The following SYN3 variants were observed in gnomAD, a reference collection of about 807,000 sequenced individuals.
The protein encoded by SYN3 is synapsin III, also known as synapsin-3.
Under a neutral mutation model 65.8 loss-of-function variants are expected in SYN3, and 35 were observed. The ratio of observed to expected loss-of-function variants is 0.53; its 90% CI spans 0.41 to 0.70. The LOEUF (loss-of-function observed/expected upper bound fraction) is 0.70. Among genes scored for constraint, SYN3 ranks in the 30% least tolerant of loss-of-function variants. The probability of loss-of-function intolerance (pLI) is 0.00; values close to 1 mark genes in which losing one functional copy is unlikely to be tolerated. For synonymous variants in SYN3, 270 were observed against 292.9 expected (o/e 0.92, Z 0.80); for missense variants, 680 against 749.0 (o/e 0.91, Z 1.08).
At chr22:32,775,477 G>A (rs972833012) in intron 6 of SYN3, among the ~76,000 whole-genome samples, 3 of 152,160 alleles carry the variant, frequency 2.0e-5, no homozygotes, top group East Asian at 1.9e-4. Context: ...AACTGTCGAC[G>A]AGGAGGGTGA....
chr22:32,967,573 C>T (rs1175424739), intron 3 of SYN3, among the ~76,000 whole-genome samples: 1 of 152,226 alleles, frequency 6.6e-6, no homozygotes, highest in Non-Finnish European at 1.5e-5. Context: ...AGATTAGTTT[C>T]CAGTTTAGCA....
intron 7 of SYN3, among the ~76,000 whole-genome samples, chr22:32,553,410 GA>G (rs776779178): frequency 1.3e-4 from 19 of 151,922 alleles, no homozygotes; most frequent in African/African-American, 3.1e-4. Flanking sequence ...AGGAAATCTG[GA>G]AAAAAAATAA....
At chr22:32,917,020 G>A (rs563058186) in intron 4 of SYN3, among the ~76,000 whole-genome samples, 2 of 152,300 alleles carry the variant, frequency 1.3e-5, no homozygotes, top group Admixed American at 1.3e-4. Context: ...GAGCAGGGAA[G>A]GGTGTACAAG....
chr22:32,896,828 G>A (rs2049605224), intron 4 of SYN3, among the ~76,000 whole-genome samples: 1 of 152,302 alleles, frequency 6.6e-6, no homozygotes, highest in Non-Finnish European at 1.5e-5. Flanking sequence ...GGCTTATGGT[G>A]AGGCTTACCT....
chr22:32,604,510 TCCCG>T (rs1258174404), intron 6 of SYN3, among the ~76,000 whole-genome samples: 6 of 112,738 alleles, frequency 5.3e-5, no homozygotes, highest in African/African-American at 2.1e-4. Context: ...TCTAGGCCAA[TCCCG>T]TCTCATACTC....
At chr22:32,933,883 T>G (rs950066863) in intron 3 of SYN3, among the ~76,000 whole-genome samples, 1 of 152,322 alleles carries the variant, frequency 6.6e-6, no homozygotes, top group East Asian at 1.9e-4. Flanking sequence ...TATCATTTCA[T>G]GGCAACTTAA....
At chr22:32,532,041 G>T (rs2058082607) in intron 10 of SYN3, among the ~76,000 whole-genome samples, 1 of 152,250 alleles carries the variant, frequency 6.6e-6, no homozygotes, top group African/African-American at 2.4e-5. Flanking sequence ...CGGAGAGGTA[G>T]GGGCTCACAG....
At chr22:32,576,563 T>C (rs997566481) in intron 7 of SYN3, among the ~76,000 whole-genome samples, 1 of 152,106 alleles carries the variant, frequency 6.6e-6, no homozygotes, top group African/African-American at 2.4e-5. Flanking sequence ...CCCATTCTCT[T>C]TCCCCTTCAA....
At chr22:32,675,304 C>T (rs2060424387) in intron 6 of SYN3, among the ~76,000 whole-genome samples, 1 of 152,154 alleles carries the variant, frequency 6.6e-6, no homozygotes, top group African/African-American at 2.4e-5. Flanking sequence ...GACAAAATAC[C>T]CTCACCTAAC....
intron 6 of SYN3, among the ~76,000 whole-genome samples, chr22:32,599,049 T>C (rs2059243627): frequency 6.6e-6 from 1 of 152,184 alleles, no homozygotes; most frequent in Non-Finnish European, 1.5e-5. Context: ...TTTTGGTTTA[T>C]TATCTGCTGC....
At chr22:32,833,418 A>AT (rs2047636355) in intron 6 of SYN3, among the ~76,000 whole-genome samples, 1 of 152,184 alleles carries the variant, frequency 6.6e-6, no homozygotes, top group South Asian at 2.1e-4. Flanking sequence ...CCAAAGGAGA[A>AT]TTTTTTTATA....
chr22:32,848,659 T>C (rs1004945200), intron 6 of SYN3, among the ~76,000 whole-genome samples: 1 of 152,236 alleles, frequency 6.6e-6, no homozygotes, highest in African/African-American at 2.4e-5. Flanking sequence ...ATCAAGAGTT[T>C]CACATTTGTC....
intron 1 of SYN3, among the ~76,000 whole-genome samples, chr22:33,052,583 C>CAAA (rs58956477): frequency 9.3e-6 from 1 of 107,884 alleles, no homozygotes; most frequent in African/African-American, 3.0e-5. Context: ...AGAAGAGGAA[C>CAAA]AAAAAAAAAA....
At chr22:32,572,379 CATCTTTCCT>C (rs1569051482) in intron 7 of SYN3, among the ~76,000 whole-genome samples, 2,939 of 96,648 alleles carry the variant, frequency 0.03, 243 homozygotes, top group African/African-American at 0.12. Context: ...CCCTCCCTCC[CATCTTTCCT>C]TCCTTCCCTC....
At chr22:32,667,493 T>C (rs1157130227) in intron 6 of SYN3, among the ~76,000 whole-genome samples, 3 of 152,220 alleles carry the variant, frequency 2.0e-5, no homozygotes, top group Non-Finnish European at 2.9e-5. Context: ...CACAAAAGTA[T>C]TGCAAAGTCT....
At chr22:33,034,453 G>A (rs1172279495) in intron 1 of SYN3, among the ~76,000 whole-genome samples, 1 of 151,822 alleles carries the variant, frequency 6.6e-6, no homozygotes, top group Non-Finnish European at 1.5e-5. Context: ...TCACGATGTT[G>A]GCCAGGTTGG....
intron 1 of SYN3, among the ~76,000 whole-genome samples, chr22:33,031,986 G>C (rs777999605): frequency 6.6e-5 from 10 of 152,128 alleles, no homozygotes; most frequent in Non-Finnish European, 1.5e-4. Context: ...GAGGCAGATG[G>C]ATCACCTGAG....
intron 6 of SYN3, among the ~76,000 whole-genome samples, chr22:32,598,851 C>T (rs904779190): frequency 2.6e-5 from 4 of 151,838 alleles, no homozygotes; most frequent in African/African-American, 9.7e-5. Flanking sequence ...ATGGTGAATA[C>T]ATACATGTTA....
intron 6 of SYN3, among the ~76,000 whole-genome samples, chr22:32,690,043 G>A (rs2060641947): frequency 6.6e-6 from 1 of 152,192 alleles, no homozygotes; most frequent in African/African-American, 2.4e-5. Flanking sequence ...GGGCATGGTG[G>A]TGGGTGCCTG....
Sources: gnomAD v4.1 joint callset for allele counts (sites outside exome capture counted in the v4.1 genomes callset) on GRCh38, gnomAD v4.1.1 for gene constraint, MANE v1.5 for transcripts, NCBI Gene and HGNC (gene_info 2026-07-23, HGNC 2026-07-21) for gene names.